ZFYVE26: variants seen among roughly 807,000 people sequenced by gnomAD.
The protein encoded by ZFYVE26 is zinc finger FYVE domain-containing protein 26.
A neutral mutation model predicts 276.5 loss-of-function variants in ZFYVE26; 181 were observed. The observed-to-expected ratio is 0.65, with a 90% CI of 0.58 to 0.74. The LOEUF (loss-of-function observed/expected upper bound fraction) is 0.74, where lower values mean the gene tolerates loss of function less well. ZFYVE26 is among the 30% of genes least tolerant of loss of function. ZFYVE26 has a pLI of 0.00. For missense variants in ZFYVE26, 2,821 were observed against 3,097.9 expected, an observed-to-expected ratio of 0.91 and a Z score of 2.12; for synonymous variants, 1,129 against 1,203.1, an observed-to-expected ratio of 0.94 and a Z score of 1.27.
At chr14:67,798,898 G>A in intron 10 of ZFYVE26, 6 of 932,764 alleles carry the variant, frequency 6.4e-6, no homozygotes, top group South Asian at 6.3e-5. Flanking sequence ...ACCAGGCCCC[G>A]CCCCCGGGGA....
At chr14:67,769,477 G>A in intron 29 of ZFYVE26, 117 bp downstream of exon 29, 9 of 1,466,500 alleles carry the variant, frequency 6.1e-6, no homozygotes, top group Non-Finnish European at 8.5e-6. Context: ...ATTTCAGTGT[G>A]AATGTTAAAC....
At chr14:67,814,108 TG>T in intron 2 of ZFYVE26, 44 bp from the exon 3 acceptor site, 1 of 1,484,098 alleles carries the variant, frequency 6.7e-7, no homozygotes, top group Non-Finnish European at 9.4e-7. Flanking sequence ...GAGTTTCTAC[TG>T]ATCTTTCATC....
chr14:67,748,623 A>T lies in ZFYVE26; in HGVS notation c.7433T>A (p.Ile2478Lys), dbSNP rs1399623634. Reference protein sequence around the residue: ...NDDNKVRAYLICCKLRSAYLI... With the variant: ...NDDNKVRAYLKCCKLRSAYLI... Reference sequence around the variant, plus strand: ...GTAGGCAGAACGCAGTTTGCAACATATCAGGTAGGCCCGAACCTGGCAGTC... The same window carrying T: ...GTAGGCAGAACGCAGTTTGCAACATTTCAGGTAGGCCCGAACCTGGCAGTC... The change falls in exon 42 of 42, where the codon ATA becomes AAA. Residue 2478 changes from isoleucine to lysine, a missense_variant. Physicochemically the swap from Ile to Lys is moderately radical, Grantham distance 102. Coordinates refer to ENST00000347230, the MANE Select transcript of ZFYVE26 (RefSeq NM_015346.4). The T allele has an allele frequency of 4.3e-6, 7 of 1,613,950 alleles. No individual in the cohort carries two copies. The African/African-American group carries it at 9.3e-5, about 22-fold the overall frequency.
At chr14:67,785,773 C>T (rs1037117273) in intron 18 of ZFYVE26, 85 bp downstream of exon 18, 35 of 1,586,186 alleles carry the variant, frequency 2.2e-5, no homozygotes, top group Non-Finnish European at 3.0e-5. Flanking sequence ...AGTCCCAAGC[C>T]TCTGCTCCAA....
intron 10 of ZFYVE26, 22 bp downstream of exon 10, chr14:67,802,057 C>T (rs141807559): frequency 1.1e-4 from 184 of 1,611,814 alleles, no homozygotes; most frequent in African/African-American, 3.5e-4. Flanking sequence ...GCTTATCTCA[C>T]GGATGGAGGG....
At chr14:67,775,137 C>CA (rs1307754009) in intron 26 of ZFYVE26, 23 bp from the exon 27 acceptor site, 9 of 1,530,810 alleles carry the variant, frequency 5.9e-6, no homozygotes, top group Non-Finnish European at 8.1e-6. Context: ...AAAATGCTGA[C>CA]AAAATATGGT....
chr14:67,814,369 A>G lies in ZFYVE26; in HGVS notation c.195-305T>C, dbSNP rs951699096. Among the ~76,000 whole-genome samples the G allele has an allele frequency of 4.6e-5, 7 of 152,180 alleles. No individual in the cohort carries two copies. The East Asian group carries it at 1.3e-3, about 29-fold the overall frequency. On this transcript the variant is annotated intron_variant, in intron 2 of 41. Coordinates refer to ENST00000347230, the MANE Select transcript of ZFYVE26 (RefSeq NM_015346.4). Reference sequence around the variant, plus strand: ...CCCCATCTCTACTAAAAATACAAAAATTAGCCAAGTGCGGTGGCAGGCGCC... The same window carrying G: ...CCCCATCTCTACTAAAAATACAAAAGTTAGCCAAGTGCGGTGGCAGGCGCC...
intron 12 of ZFYVE26, chr14:67,797,376 T>C: frequency 2.4e-6 from 1 of 411,968 alleles, no homozygotes; most frequent in Non-Finnish European, 4.5e-6. Context: ...TCTCAATTTA[T>C]AGTATAATAC....
chr14:67,784,507 A>T (rs528554181), intron 19 of ZFYVE26, 71 bp from the exon 20 acceptor site: 16 of 1,398,504 alleles, frequency 1.1e-5, no homozygotes, highest in Non-Finnish European at 1.5e-5. Flanking sequence ...GTTTCCCAGA[A>T]TTGAGAAAAA....
chr14:67,794,833 A>G (rs922039009), intron 12 of ZFYVE26, among the ~76,000 whole-genome samples: 1 of 152,158 alleles, frequency 6.6e-6, no homozygotes, highest in Non-Finnish European at 1.5e-5. Flanking sequence ...CTGTAGTCCC[A>G]GCTACCCAGG....
At chr14:67,738,926 C>T (rs547048753) in intron 13 of ZFYVE26, among the ~76,000 whole-genome samples, 3 of 152,132 alleles carry the variant, frequency 2.0e-5, no homozygotes, top group Non-Finnish European at 4.4e-5. Flanking sequence ...ATGCCAAAGT[C>T]CAGGCCTCCC....
chr14:67,798,088 C>A lies in ZFYVE26; in HGVS notation c.2174G>T (p.Arg725Leu), dbSNP rs374310868. ...CSGSRDGLQS[R>L]LHRLSKVVSE... The stretch of plus-strand genomic sequence containing the variant: ...GACAACCTTGGAAAGTCGATGCAGG[C>A]GGCTCTGCAGTCCATCTCTGCTTCC... Residue 725 changes from arginine (R) to leucine (L), a missense_variant, in exon 11 of 42, where the codon CGC becomes CTC. Physicochemically the swap from Arg to Leu is moderately radical, Grantham distance 102. Coordinates refer to ENST00000347230, the MANE Select transcript of ZFYVE26 (RefSeq NM_015346.4). 2 of 1,614,172 alleles carry A rather than the reference C, an allele frequency of 1.2e-6. No homozygotes were observed. Among genetic ancestry groups the A allele is most frequent in the South Asian group, 1.1e-5 (1 of 91,082 alleles).
chr14:67,752,745 A>G (rs563133455), intron 39 of ZFYVE26, among the ~76,000 whole-genome samples: 155 of 152,348 alleles, frequency 1.0e-3, no homozygotes, highest in African/African-American at 3.6e-3. Flanking sequence ...CAGCTGTAGT[A>G]TCTAAAATGG....
chr14:67,775,450 G>C (rs2039317211), intron 26 of ZFYVE26, among the ~76,000 whole-genome samples: 1 of 152,152 alleles, frequency 6.6e-6, no homozygotes, highest in Non-Finnish European at 1.5e-5. Context: ...GGGAACATCA[G>C]TCCATACTTA....
chr14:67,799,694 A>G, intron 10 of ZFYVE26: 2 of 975,576 alleles, frequency 2.1e-6, no homozygotes, highest in Admixed American at 3.9e-5. Context: ...GCAAAAGTCA[A>G]CTCAACTCTT....
In ZFYVE26 at chr14:67,809,266, C is replaced by A. The variant is rs2140253830; in HGVS notation, c.297G>T (p.Arg99=). The A allele has an allele frequency of 6.2e-7, 1 of 1,613,960 alleles. No homozygotes were observed. Among genetic ancestry groups the A allele is most frequent in the Non-Finnish European group, 8.5e-7 (1 of 1,179,970 alleles). ...REKKLLPVVF[R]RKLEFLLLSE... is the part of the protein sequence containing the mutation. ...ACAATAAAAGAAACTCAAGCTTTCTCCGGAAAACAACTGGGAGTAACTTCT... is the reference window on the plus strand; with the variant it reads ...ACAATAAAAGAAACTCAAGCTTTCTACGGAAAACAACTGGGAGTAACTTCT... The change falls in exon 4 of 42, where the codon CGG becomes CGT. Residue 99 remains arginine (R), a synonymous_variant. Transcript: ENST00000347230.
chr14:67,786,101 A>G lies in ZFYVE26; in HGVS notation c.3139+13T>C, dbSNP rs1594917471. ...CCAAGTCCAGGAGAAGAAAAGAGAA[A>G]AAAGCAACTCACCTGATTTGGTTTG... On this transcript the variant is annotated intron_variant, in intron 17 of 41. Coordinates refer to ENST00000347230, the MANE Select transcript of ZFYVE26 (RefSeq NM_015346.4). 6 of 1,614,056 alleles carry G rather than the reference A, an allele frequency of 3.7e-6. No individual in the cohort carries two copies. Among genetic ancestry groups the G allele is most frequent in the Non-Finnish European group, 5.1e-6 (6 of 1,180,016 alleles).
At chr14:67,815,477 T>C (rs1861337542) in intron 2 of ZFYVE26, 4 of 427,496 alleles carry the variant, frequency 9.4e-6, no homozygotes, top group East Asian at 4.3e-5. Context: ...GCAAAGAAAA[T>C]AGTTTTCAAT....
intron 23 of ZFYVE26, among the ~76,000 whole-genome samples, chr14:67,779,031 C>T (rs2140216952): frequency 6.6e-6 from 1 of 152,288 alleles, no homozygotes; most frequent in Non-Finnish European, 1.5e-5. Context: ...TTTGTTTCAC[C>T]ACCATCTACC....
Sources: allele counts gnomAD v4.1 joint callset (sites outside exome capture counted in the v4.1 genomes callset), GRCh38; gene constraint gnomAD v4.1.1; transcripts MANE v1.5; gene names NCBI Gene and HGNC (gene_info 2026-07-23, HGNC 2026-07-21).